Variants in SOX6 observed in about 807,000 individuals in gnomAD.
The protein encoded by SOX6 is SRY-box transcription factor 6, also known as transcription factor SOX-6.
A neutral mutation model predicts 97.8 loss-of-function variants in SOX6; 11 were observed. That is an observed-to-expected ratio of 0.11 (90% CI 0.07 to 0.19). The LOEUF (loss-of-function observed/expected upper bound fraction) is 0.19. SOX6 is among the 10% of genes least tolerant of loss of function. The pLI, the probability that SOX6 is intolerant of heterozygous loss-of-function variation, is 1.00. For missense variants in SOX6, 810 were observed against 1,039.5 expected, an observed-to-expected ratio of 0.78 and a Z score of 3.04; for synonymous variants, 360 against 371.4, an observed-to-expected ratio of 0.97 and a Z score of 0.35.
intron 4 of SOX6, among the ~76,000 whole-genome samples, chr11:16,498,424 C>A (rs1037793462): frequency 9.9e-5 from 15 of 151,976 alleles, no homozygotes; most frequent in African/African-American, 3.4e-4. Flanking sequence ...AACCAGCTAA[C>A]ATCATAAGGA....
At chr11:16,493,537 A>ATTC (rs1860543303) in intron 4 of SOX6, among the ~76,000 whole-genome samples, 1 of 152,212 alleles carries the variant, frequency 6.6e-6, no homozygotes, top group Non-Finnish European at 1.5e-5. Flanking sequence ...TCCGGGTAAT[A>ATTC]TAAACATTCT....
Position 15,972,764 on chromosome 11 carries a change from G to A in SOX6, c.*45C>T, listed in dbSNP as rs200864065. 2 of 1,600,286 alleles carry A rather than the reference G, an allele frequency of 1.2e-6. No individual in the cohort carries two copies. Among genetic ancestry groups the A allele is most frequent in the East Asian group, 2.2e-5 (1 of 44,770 alleles). Reference sequence around the variant, plus strand: ...TCTTTAATAACTCTTTGTTGGGGAGGGGGGTGAAATGTCAGAGTACTTTAA... The same window carrying A: ...TCTTTAATAACTCTTTGTTGGGGAGAGGGGTGAAATGTCAGAGTACTTTAA... On this transcript the variant is annotated 3_prime_UTR_variant, in exon 16 of 16. Transcript: ENST00000683767.
intron 1 of SOX6, among the ~76,000 whole-genome samples, chr11:16,414,151 A>G (rs1044045667): frequency 6.6e-6 from 1 of 152,180 alleles, no homozygotes; most frequent in African/African-American, 2.4e-5. Context: ...CAAAATCATA[A>G]CTGGCAGTGG....
intron 15 of SOX6, among the ~76,000 whole-genome samples, chr11:15,976,152 C>T (rs1853477187): frequency 6.6e-6 from 1 of 152,120 alleles, no homozygotes; most frequent in Non-Finnish European, 1.5e-5. Flanking sequence ...CATTCACATA[C>T]AACTGTTCGA....
At chr11:16,266,744 A>G (rs1406607930) in intron 3 of SOX6, among the ~76,000 whole-genome samples, 1 of 151,622 alleles carries the variant, frequency 6.6e-6, no homozygotes, top group Non-Finnish European at 1.5e-5. Context: ...GTATACAATT[A>G]AACTCCAAGG....
At chr11:16,124,983 C>T (rs571078685) in intron 6 of SOX6, among the ~76,000 whole-genome samples, 2 of 152,036 alleles carry the variant, frequency 1.3e-5, no homozygotes, top group African/African-American at 2.4e-5. Context: ...ATATCCTCTC[C>T]GCTCAAGTAG....
At chr11:16,732,111 C>T (rs1428141068) in intron 2 of SOX6, among the ~76,000 whole-genome samples, 4 of 152,202 alleles carry the variant, frequency 2.6e-5, no homozygotes, top group Admixed American at 6.5e-5. Flanking sequence ...AATGGAAAAA[C>T]ATTCCATGCT....
At chr11:16,107,194 GT>G (rs959086839) in intron 7 of SOX6, among the ~76,000 whole-genome samples, 3 of 151,796 alleles carry the variant, frequency 2.0e-5, no homozygotes, top group Non-Finnish European at 2.9e-5. Flanking sequence ...TTTCTCAAAA[GT>G]TTAAACATAG....
At chr11:16,057,381 A>T (rs1419025603) in intron 9 of SOX6, among the ~76,000 whole-genome samples, 3 of 152,194 alleles carry the variant, frequency 2.0e-5, no homozygotes, top group Non-Finnish European at 4.4e-5. Flanking sequence ...GATTTGCCTC[A>T]TATTTTGTTT....
intron 4 of SOX6, among the ~76,000 whole-genome samples, chr11:16,519,856 A>G (rs914354418): frequency 6.6e-6 from 1 of 152,062 alleles, no homozygotes; most frequent in African/African-American, 2.4e-5. Flanking sequence ...GTCCTCACCA[A>G]CATCTGTTAT....
intron 3 of SOX6, among the ~76,000 whole-genome samples, chr11:16,261,101 A>T (rs1178049474): frequency 1.3e-5 from 2 of 152,144 alleles, no homozygotes; most frequent in Non-Finnish European, 2.9e-5. Context: ...ATATTATATT[A>T]CCTAAATCAT....
chr11:16,697,218 A>C (rs186588934), intron 3 of SOX6, among the ~76,000 whole-genome samples: 1 of 152,282 alleles, frequency 6.6e-6, no homozygotes, highest in African/African-American at 2.4e-5. Flanking sequence ...TGAGCCCCTC[A>C]AAGTCATCCA....
In SOX6 at chr11:16,536,820, C is replaced by T. The variant is rs1274449430; in HGVS notation, n.610-60432G>A. Among the ~76,000 whole-genome samples the T allele has an allele frequency of 2.6e-5, 4 of 152,226 alleles. No homozygotes were observed. In the East Asian group the frequency reaches 7.7e-4, roughly 29 times the overall value. ...CAGAAAGCTCAAACTGGGCGGAGCC[C>T]ACCACAGATCAGCAAGGCCTACTGT... On this transcript the variant is annotated intron_variant and non_coding_transcript_variant, in intron 4 of 5. Transcript: ENST00000524520.
intron 2 of SOX6, among the ~76,000 whole-genome samples, chr11:16,724,787 T>C (rs980674969): frequency 2.0e-5 from 3 of 152,222 alleles, no homozygotes; most frequent in Non-Finnish European, 4.4e-5. Context: ...TCTTTTGTCA[T>C]AAAACTACTC....
intron 4 of SOX6, among the ~76,000 whole-genome samples, chr11:16,569,733 G>A (rs1380592532): frequency 4.0e-5 from 6 of 151,760 alleles, no homozygotes; most frequent in Admixed American, 3.9e-4. Flanking sequence ...GCCGGGCGTG[G>A]TGGCGGGCAC....
At chr11:16,366,490 A>G (rs1857361352) in intron 1 of SOX6, among the ~76,000 whole-genome samples, 1 of 152,142 alleles carries the variant, frequency 6.6e-6, no homozygotes, top group African/African-American at 2.4e-5. Context: ...TCCACAATCT[A>G]TAATGATAAC....
intron 9 of SOX6, among the ~76,000 whole-genome samples, chr11:16,062,224 CAGAT>C (rs1184997980): frequency 2.0e-5 from 3 of 151,454 alleles, no homozygotes; most frequent in Admixed American, 6.6e-5. Flanking sequence ...GTTATTAACA[CAGAT>C]AGTCTAGTTA....
intron 6 of SOX6, among the ~76,000 whole-genome samples, chr11:16,168,049 A>C (rs1313002179): frequency 6.6e-6 from 1 of 152,198 alleles, no homozygotes; most frequent in Non-Finnish European, 1.5e-5. Flanking sequence ...GAGATATCTC[A>C]ACAGAAAAGA....
At chr11:15,976,135 G>T (rs1204522478) in intron 15 of SOX6, among the ~76,000 whole-genome samples, 5 of 152,106 alleles carry the variant, frequency 3.3e-5, no homozygotes, top group African/African-American at 1.2e-4. Context: ...CTCTGGTAAG[G>T]TTCTCACATT....
Sources: gnomAD v4.1 joint callset for allele counts (sites outside exome capture counted in the v4.1 genomes callset) on GRCh38, gnomAD v4.1.1 for gene constraint, MANE v1.5 for transcripts, NCBI Gene and HGNC (gene_info 2026-07-23, HGNC 2026-07-21) for gene names.